The following MAD1L1 variants were observed in gnomAD, a reference collection of about 807,000 sequenced individuals.
MAD1L1 encodes mitotic arrest deficient 1 like 1.
MAD1L1 carries 95 observed loss-of-function variants against 96.9 expected under a neutral mutation model. The ratio of observed to expected loss-of-function variants is 0.98; its 90% CI spans 0.83 to 1.16. The LOEUF (loss-of-function observed/expected upper bound fraction) is 1.16, where lower values mean the gene tolerates loss of function less well. Among genes scored for constraint, MAD1L1 ranks in the 50% most tolerant of loss-of-function variants. MAD1L1 has a pLI of 0.00. For synonymous variants in MAD1L1, 473 were observed against 396.6 expected, an observed-to-expected ratio of 1.19 and a Z score of -2.29; for missense variants, 1,007 against 954.4, an observed-to-expected ratio of 1.06 and a Z score of -0.73.
intron 11 of MAD1L1, among the ~76,000 whole-genome samples, chr7:2,093,588 A>G (rs1398906290): frequency 6.6e-6 from 1 of 152,236 alleles, no homozygotes; most frequent in Non-Finnish European, 1.5e-5. Context: ...AAGGAATTCA[A>G]ATAAAATGCT....
At chr7:1,951,189 A>T (rs1290727088) in intron 16 of MAD1L1, among the ~76,000 whole-genome samples, 1 of 152,218 alleles carries the variant, frequency 6.6e-6, no homozygotes, top group East Asian at 1.9e-4. Flanking sequence ...CAGGGCACAA[A>T]CAACAGCCAG....
chr7:1,917,221 G>A (rs941693334), intron 17 of MAD1L1, among the ~76,000 whole-genome samples: 16 of 152,178 alleles, frequency 1.1e-4, no homozygotes, highest in African/African-American at 2.7e-4. Context: ...AGGGAGCCGC[G>A]GCATGGAGCC....
intron 11 of MAD1L1, among the ~76,000 whole-genome samples, chr7:2,110,750 T>C (rs1441940638): frequency 6.6e-6 from 1 of 152,190 alleles, no homozygotes; most frequent in African/African-American, 2.4e-5. Flanking sequence ...GCTACTTCTA[T>C]ACCGATACTC....
At chr7:1,876,880 G>A (rs535821135) in intron 18 of MAD1L1, among the ~76,000 whole-genome samples, 5 of 134,716 alleles carry the variant, frequency 3.7e-5, no homozygotes, top group Admixed American at 3.3e-4. Context: ...TAGAATTAGC[G>A]AGGCAGCATG....
intron 15 of MAD1L1, among the ~76,000 whole-genome samples, chr7:1,963,389 GT>G (rs1780029303): frequency 6.6e-6 from 1 of 152,206 alleles, no homozygotes; most frequent in Non-Finnish European, 1.5e-5. Flanking sequence ...CCAATCTACA[GT>G]GATGGAAAGC....
chr7:1,869,422 T>G (rs1190397972), intron 18 of MAD1L1, among the ~76,000 whole-genome samples: 1 of 152,064 alleles, frequency 6.6e-6, no homozygotes. Flanking sequence ...CAGGTTTCCT[T>G]AAATCCCCAG....
chr7:1,918,011 C>T (rs1021015298), intron 17 of MAD1L1, among the ~76,000 whole-genome samples: 9 of 152,232 alleles, frequency 5.9e-5, no homozygotes, highest in East Asian at 5.8e-4. Context: ...GCCCAGGCAG[C>T]GCTGTATCCC....
intron 11 of MAD1L1, among the ~76,000 whole-genome samples, chr7:2,117,283 C>G (rs1787754930): frequency 2.0e-5 from 3 of 152,234 alleles, no homozygotes; most frequent in Non-Finnish European, 4.4e-5. Context: ...CAAGTCAACC[C>G]CTGTGCAAAC....
chr7:2,109,858 A>C (rs1420440998), intron 11 of MAD1L1, among the ~76,000 whole-genome samples: 11 of 152,276 alleles, frequency 7.2e-5, no homozygotes, highest in Non-Finnish European at 1.6e-4. Context: ...TACGCTAATT[A>C]TTCCTTTGAA....
chr7:2,068,050 C>T (rs1382446864), intron 12 of MAD1L1, among the ~76,000 whole-genome samples: 2 of 152,244 alleles, frequency 1.3e-5, no homozygotes, highest in African/African-American at 2.4e-5. Flanking sequence ...AGAAACGTAC[C>T]GTGCCTGACC....
rs553787489 is a variant in MAD1L1, at chr7:2,063,844, C to T, written c.1218+5350G>A. Among the ~76,000 whole-genome samples the T allele has an allele frequency of 3.3e-5, 5 of 152,288 alleles. No homozygotes were observed. The East Asian group carries it at 5.8e-4, about 18-fold the overall frequency. On this transcript the variant is annotated intron_variant, in intron 12 of 18. Transcript: ENST00000265854. ...TGAGCACCTGTGGCCTCAGCTCCCT[C>T]GGGGCAGCCAGCCTCCCTCGCTCTG...
chr7:2,060,593 A>AACG (rs1383228630), intron 12 of MAD1L1, among the ~76,000 whole-genome samples: 1 of 152,224 alleles, frequency 6.6e-6, no homozygotes, highest in African/African-American at 2.4e-5. Context: ...AGGAGGAGGC[A>AACG]ACGACGACAG....
At chr7:2,100,052 G>A (rs748319523) in intron 11 of MAD1L1, among the ~76,000 whole-genome samples, 3 of 152,236 alleles carry the variant, frequency 2.0e-5, no homozygotes, top group African/African-American at 4.8e-5. Context: ...GCCCAAAACC[G>A]TCTCAGGGAC....
intron 17 of MAD1L1, among the ~76,000 whole-genome samples, chr7:1,906,739 C>T (rs933196110): frequency 2.6e-5 from 4 of 152,232 alleles, no homozygotes; most frequent in South Asian, 2.1e-4. Context: ...CATGGAAGTG[C>T]GCGACGGGTG....
chr7:1,816,778 G>A (rs1440017343), intron 18 of MAD1L1, among the ~76,000 whole-genome samples: 1 of 151,982 alleles, frequency 6.6e-6, no homozygotes, highest in Admixed American at 6.6e-5. Flanking sequence ...GGCCCCAGGG[G>A]ACACAGGGCA....
At chr7:2,220,965 T>C (rs778608833) in intron 5 of MAD1L1, 1 of 1,612,384 alleles carries the variant, frequency 6.2e-7, no homozygotes, top group Non-Finnish European at 8.5e-7. Flanking sequence ...CGCCGGACAG[T>C]TGGCAAGGAA....
intron 10 of MAD1L1, among the ~76,000 whole-genome samples, chr7:2,165,394 C>T: frequency 6.6e-6 from 1 of 152,178 alleles, no homozygotes; most frequent in East Asian, 1.9e-4. Flanking sequence ...TCCAACAACA[C>T]ACCTCAATCT....
At chr7:2,118,381 C>G (rs1787817172) in intron 11 of MAD1L1, among the ~76,000 whole-genome samples, 1 of 152,252 alleles carries the variant, frequency 6.6e-6, no homozygotes, top group African/African-American at 2.4e-5. Context: ...CCAGCAGGAC[C>G]TCCCCCTGTG....
intron 17 of MAD1L1, among the ~76,000 whole-genome samples, chr7:1,927,493 A>G (rs1789157368): frequency 6.6e-6 from 1 of 152,254 alleles, no homozygotes; most frequent in Non-Finnish European, 1.5e-5. Context: ...ACAGACGCTT[A>G]GATCAAGGGA....
Sources: gnomAD v4.1 joint callset for allele counts (sites outside exome capture counted in the v4.1 genomes callset) on GRCh38, gnomAD v4.1.1 for gene constraint, MANE v1.5 for transcripts, NCBI Gene and HGNC (gene_info 2026-07-23, HGNC 2026-07-21) for gene names.